Variants in PDE7B observed in about 807,000 individuals in gnomAD.
The protein encoded by PDE7B is phosphodiesterase 7B.
In PDE7B, 29 loss-of-function variants were observed where a neutral mutation model predicts 56.2. That is an observed-to-expected ratio of 0.52 (90% CI 0.38 to 0.70). The LOEUF (loss-of-function observed/expected upper bound fraction) is 0.70, where lower values mean the gene tolerates loss of function less well. Among genes scored for constraint, PDE7B ranks in the 30% least tolerant of loss-of-function variants. PDE7B has a pLI of 0.00. For synonymous variants in PDE7B, 197 were observed against 196.9 expected, an observed-to-expected ratio of 1.00 and a Z score of 0.00; for missense variants, 490 against 565.0, an observed-to-expected ratio of 0.87 and a Z score of 1.35.
At chr6:136,120,187 C>G (rs1562497973) in intron 3 of PDE7B, among the ~76,000 whole-genome samples, 1 of 152,156 alleles carries the variant, frequency 6.6e-6, no homozygotes, top group Non-Finnish European at 1.5e-5. Flanking sequence ...AAGTACTTGA[C>G]TTATAGTGAA....
chr6:136,038,160 T>C lies in PDE7B; in HGVS notation c.83-70571T>C, dbSNP rs138633269. The C allele has an allele frequency of 5.0e-4, 649 of 1,298,896 alleles. 12 individuals carry two copies. The East Asian group carries it at 0.022, about 44-fold the overall frequency. 80.5% of individuals were successfully genotyped at this position (1,298,896 alleles called of 1,614,324 possible). ...GATCTTACGGGGGTTCGCTTTTCCCTGCCTGGGAAGAATTTCCCCTGTGGT... is the reference window on the plus strand; with the variant it reads ...GATCTTACGGGGGTTCGCTTTTCCCCGCCTGGGAAGAATTTCCCCTGTGGT... On this transcript the variant is annotated intron_variant, in intron 2 of 12. Coordinates refer to ENST00000308191, the MANE Select transcript of PDE7B (RefSeq NM_018945.4).
intron 2 of PDE7B, among the ~76,000 whole-genome samples, chr6:135,958,483 T>A (rs945525824): frequency 1.3e-5 from 2 of 152,162 alleles, no homozygotes; most frequent in African/African-American, 2.4e-5. Flanking sequence ...TCATATTTTT[T>A]AAACAAATTA....
Position 136,001,346 on chromosome 6 carries a change from C to T in PDE7B, c.82+53822C>T, listed in dbSNP as rs555051483. On this transcript the variant is annotated intron_variant, in intron 2 of 12. Transcript: ENST00000308191. ...TCACCAGCAACGGAACAAAGCTGGA[C>T]GGAGAATGACTTTGACGAGTTGAGA... 1.9e-3 allele frequency among the ~76,000 whole-genome samples: 289 copies of T among 152,292 alleles called. 1 individual carries two copies. Among genetic ancestry groups the T allele is most frequent in the Middle Eastern group, 6.8e-3 (2 of 294 alleles).
intron 2 of PDE7B, among the ~76,000 whole-genome samples, chr6:136,020,216 C>G (rs543484585): frequency 6.6e-6 from 1 of 152,222 alleles, no homozygotes; most frequent in Non-Finnish European, 1.5e-5. Flanking sequence ...GATAGTTGTT[C>G]AAATGGATGT....
At chr6:136,145,046 A>C (rs903995645) in intron 3 of PDE7B, among the ~76,000 whole-genome samples, 2 of 152,070 alleles carry the variant, frequency 1.3e-5, no homozygotes, top group Non-Finnish European at 2.9e-5. Context: ...CTTTCATTTA[A>C]TAATTTTAGT....
intron 2 of PDE7B, chr6:136,095,997 G>A (rs1388244218): frequency 6.6e-6 from 1 of 152,110 alleles, no homozygotes; most frequent in African/African-American, 2.4e-5. Flanking sequence ...TCCCTACCAA[G>A]TCTAGGTTTT....
At chr6:136,017,850 T>C (rs971914976) in intron 2 of PDE7B, among the ~76,000 whole-genome samples, 8 of 152,160 alleles carry the variant, frequency 5.3e-5, no homozygotes, top group Non-Finnish European at 1.0e-4. Context: ...TAAGAGAATT[T>C]TAATCTAAAT....
intron 2 of PDE7B, among the ~76,000 whole-genome samples, chr6:136,040,151 G>A (rs1776390127): frequency 6.6e-6 from 1 of 152,148 alleles, no homozygotes; most frequent in Admixed American, 6.5e-5. Context: ...CTCTACCACT[G>A]CCTCACATTC....
At chr6:136,153,196 C>G (rs1778549981) in intron 6 of PDE7B, among the ~76,000 whole-genome samples, 1 of 152,128 alleles carries the variant, frequency 6.6e-6, no homozygotes, top group African/African-American at 2.4e-5. Context: ...AAGGGAGATA[C>G]AGATATAGAT....
At chr6:136,073,811 G>C (rs757453122) in intron 2 of PDE7B, among the ~76,000 whole-genome samples, 2 of 152,160 alleles carry the variant, frequency 1.3e-5, no homozygotes, top group Non-Finnish European at 2.9e-5. Flanking sequence ...AAGTGGCAAA[G>C]GTTGATCATG....
chr6:136,104,231 T>C (rs982117095), intron 2 of PDE7B, among the ~76,000 whole-genome samples: 1 of 152,160 alleles, frequency 6.6e-6, no homozygotes. Flanking sequence ...TTTGTTTCCT[T>C]TTGGAACACA....
At chr6:135,978,973 T>G (rs1402222051) in intron 2 of PDE7B, among the ~76,000 whole-genome samples, 2 of 152,012 alleles carry the variant, frequency 1.3e-5, no homozygotes, top group African/African-American at 4.8e-5. Flanking sequence ...AAGGGAATGC[T>G]TCCAGTTTTT....
Position 136,151,154 on chromosome 6 carries a change from C to A in PDE7B, c.383-6C>A, listed in dbSNP as rs201681004. The A allele has an allele frequency of 6.4e-7, 1 of 1,554,662 alleles. No homozygotes were observed. The highest frequency in any genetic ancestry group is 8.9e-7 in the Non-Finnish European group (1 of 1,127,596). On this transcript the variant is annotated splice_polypyrimidine_tract_variant and splice_region_variant and intron_variant, in intron 5 of 12. Transcript: ENST00000308191. ...TTAGTTAAAGGAAGTGACTGTTTTC[C>A]TGCAGGAAACAGCCTGGTAACACTG...
intron 5 of PDE7B, among the ~76,000 whole-genome samples, chr6:136,150,328 T>C (rs1423599559): frequency 2.0e-5 from 3 of 152,210 alleles, no homozygotes; most frequent in African/African-American, 4.8e-5. Context: ...CTTCCAGTAG[T>C]TTCATAGTTT....
chr6:136,052,640 C>T (rs184041579), intron 2 of PDE7B, among the ~76,000 whole-genome samples: 25 of 150,450 alleles, frequency 1.7e-4, no homozygotes, highest in Admixed American at 1.1e-3. Flanking sequence ...CACAGCATGC[C>T]GAACACATGC....
chr6:135,891,365 T>G (rs993516567), intron 1 of PDE7B, among the ~76,000 whole-genome samples: 1 of 152,190 alleles, frequency 6.6e-6, no homozygotes, highest in Non-Finnish European at 1.5e-5. Context: ...TCATTAGGGC[T>G]AAAGGAAGAA....
chr6:136,126,203 GTC>G (rs1321506457), intron 3 of PDE7B, among the ~76,000 whole-genome samples: 1 of 152,174 alleles, frequency 6.6e-6, no homozygotes. Flanking sequence ...ATCATAAGCA[GTC>G]TTGCCACTGG....
At chr6:136,006,046 T>C (rs373603179) in intron 2 of PDE7B, among the ~76,000 whole-genome samples, 1 of 151,716 alleles carries the variant, frequency 6.6e-6, no homozygotes, top group Non-Finnish European at 1.5e-5. Context: ...TGAGATCATG[T>C]CCTTTGTAGG....
intron 1 of PDE7B, among the ~76,000 whole-genome samples, chr6:135,930,130 T>A (rs948381384): frequency 1.3e-5 from 2 of 152,084 alleles, no homozygotes; most frequent in Non-Finnish European, 2.9e-5. Flanking sequence ...TGGGGAGGCC[T>A]CACAATCATG....
Sources: allele counts gnomAD v4.1 joint callset (sites outside exome capture counted in the v4.1 genomes callset), GRCh38; gene constraint gnomAD v4.1.1; transcripts MANE v1.5; gene names NCBI Gene and HGNC (gene_info 2026-07-23, HGNC 2026-07-21).